Variants in RBFOX3 observed in about 807,000 individuals in gnomAD.
RBFOX3 encodes the protein RNA binding fox-1 homolog 3, also known as RNA binding protein fox-1 homolog 3.
In RBFOX3, 17 loss-of-function variants were observed where a neutral mutation model predicts 48.7. That is an observed-to-expected ratio of 0.35 (90% CI 0.24 to 0.52). The LOEUF is 0.52. Among genes scored for constraint, RBFOX3 ranks in the 20% least tolerant of loss-of-function variants. The pLI, the probability that RBFOX3 is intolerant of heterozygous loss-of-function variation, is 0.94. For missense variants in RBFOX3, 382 were observed against 497.5 expected, an observed-to-expected ratio of 0.77 and a Z score of 2.21; for synonymous variants, 212 against 209.5, an observed-to-expected ratio of 1.01 and a Z score of -0.10.
intron 4 of RBFOX3, among the ~76,000 whole-genome samples, chr17:79,176,459 C>T (rs907571637): frequency 3.9e-5 from 6 of 152,228 alleles, no homozygotes; most frequent in African/African-American, 9.6e-5. Flanking sequence ...CAGGCCCAAG[C>T]CCCCCAGCCC....
chr17:79,182,229 C>T (rs1332539291), intron 4 of RBFOX3, among the ~76,000 whole-genome samples: 1 of 152,174 alleles, frequency 6.6e-6, no homozygotes, highest in African/African-American at 2.4e-5. Context: ...CTGAAGTGCT[C>T]ACAATCCCAC....
chr17:79,307,174 G>A (rs766133495), intron 3 of RBFOX3, among the ~76,000 whole-genome samples: 2 of 152,236 alleles, frequency 1.3e-5, no homozygotes, highest in African/African-American at 4.8e-5. Flanking sequence ...GGAGGGCCTC[G>A]CATGAGCAGC....
At chr17:79,394,317 C>G (rs2061724263) in intron 2 of RBFOX3, among the ~76,000 whole-genome samples, 1 of 152,234 alleles carries the variant, frequency 6.6e-6, no homozygotes, top group Non-Finnish European at 1.5e-5. Flanking sequence ...CACTGAGACA[C>G]TCACTCCCCA....
At chr17:79,140,420 A>G (rs2041686592) in intron 4 of RBFOX3, among the ~76,000 whole-genome samples, 1 of 152,236 alleles carries the variant, frequency 6.6e-6, no homozygotes, top group Non-Finnish European at 1.5e-5. Context: ...CCTCCTGGGC[A>G]CCAATCACAC....
chr17:79,496,848 G>A (rs1241227411), intron 1 of RBFOX3, among the ~76,000 whole-genome samples: 1 of 152,174 alleles, frequency 6.6e-6, no homozygotes. Context: ...TGCCTCCCAC[G>A]GAGCTGGGAG....
intron 3 of RBFOX3, among the ~76,000 whole-genome samples, chr17:79,248,911 G>T (rs2063536634): frequency 6.6e-6 from 1 of 152,246 alleles, no homozygotes; most frequent in Non-Finnish European, 1.5e-5. Flanking sequence ...CTGCAGCTCA[G>T]CGGGCAGCTG....
chr17:79,495,541 GA>G (rs2081343417), intron 1 of RBFOX3, among the ~76,000 whole-genome samples: 1 of 13,736 alleles, frequency 7.3e-5, no homozygotes. Context: ...AGAGGGTGGG[GA>G]GGTGGGGGCA....
chr17:79,381,619 C>G (rs958227065), intron 2 of RBFOX3, among the ~76,000 whole-genome samples: 1 of 152,196 alleles, frequency 6.6e-6, no homozygotes, highest in Admixed American at 6.5e-5. Context: ...GGAACAGGCA[C>G]TTGGTGTGTG....
At chr17:79,455,837 G>A (rs749472779) in intron 2 of RBFOX3, among the ~76,000 whole-genome samples, 12 of 152,086 alleles carry the variant, frequency 7.9e-5, no homozygotes, top group Non-Finnish European at 1.2e-4. Flanking sequence ...CACCTGCAGC[G>A]GCACCTCCAG....
chr17:79,245,534 G>A (rs755470416), intron 3 of RBFOX3, among the ~76,000 whole-genome samples: 9 of 151,724 alleles, frequency 5.9e-5, no homozygotes, highest in South Asian at 2.1e-4. Flanking sequence ...CATTCCCACC[G>A]CTCACCCCCT....
intron 4 of RBFOX3, among the ~76,000 whole-genome samples, chr17:79,184,258 T>A (rs1190728870): frequency 1.3e-5 from 2 of 152,180 alleles, no homozygotes; most frequent in African/African-American, 4.8e-5. Context: ...CCCAGCCTCC[T>A]GCCACAGGCA....
At chr17:79,526,156 AG>A (rs2086765938) in intron 1 of RBFOX3, among the ~76,000 whole-genome samples, 1 of 152,216 alleles carries the variant, frequency 6.6e-6, no homozygotes, top group African/African-American at 2.4e-5. Context: ...ACAATCCCTC[AG>A]GGAGAGCTAG....
intron 4 of RBFOX3, among the ~76,000 whole-genome samples, chr17:79,228,231 C>T (rs1284769259): frequency 1.3e-5 from 2 of 152,200 alleles, no homozygotes; most frequent in African/African-American, 4.8e-5. Flanking sequence ...CGTGTTCCCT[C>T]CGGCCTGTGC....
the RBFOX3 span, among the ~76,000 whole-genome samples, chr17:79,633,085 C>T: frequency 1.3e-5 from 2 of 152,266 alleles, no homozygotes; most frequent in African/African-American, 4.8e-5. Context: ...AGGAGAGTTT[C>T]TCCTAAAGGA....
rs891190337 is a variant in RBFOX3 at position 79,195,079 on chromosome 17, G to A, written c.-34+40687C>T. Among the ~76,000 whole-genome samples, 4 of 152,000 alleles carry A rather than the reference G, an allele frequency of 2.6e-5. No individual in the cohort carries two copies. Among genetic ancestry groups the A allele is most frequent in the Non-Finnish European group, 5.9e-5 (4 of 68,022 alleles). On this transcript the variant is annotated intron_variant, in intron 4 of 14. Coordinates refer to ENST00000693108, the MANE Select transcript of RBFOX3 (RefSeq NM_001350451.2). This position sits in a 1 kb window ranked among gnomAD's most constrained non-coding sequence, Gnocchi z 5.3. ...CTATCATCCCCATTGCCTGCGCGGT[G>A]CCTGGCCACGGGTAGCCTCTCAAGA...
At position 79,363,483 on chromosome 17, in the gene RBFOX3, T is replaced by C. The variant is rs1232672765; in HGVS notation, c.-174-55659A>G. Among the ~76,000 whole-genome samples, 1 of 152,066 alleles carries C rather than the reference T, an allele frequency of 6.6e-6. No individual in the cohort carries two copies. Among genetic ancestry groups the C allele is most frequent in the African/African-American group, 2.4e-5 (1 of 41,370 alleles). On this transcript the variant is annotated intron_variant, in intron 2 of 14. Coordinates refer to ENST00000693108, the MANE Select transcript of RBFOX3 (RefSeq NM_001350451.2). This position sits in a 1 kb window ranked among gnomAD's most constrained non-coding sequence, Gnocchi z 4.7. ...CTGTCTGGCTGCCTCCTCGGCTTTT[T>C]CAAGAAGCCTCAGAAGTATCTCAGA...
chr17:79,350,845 CAT>C (rs1288648139), intron 2 of RBFOX3, among the ~76,000 whole-genome samples: 1 of 152,226 alleles, frequency 6.6e-6, no homozygotes, highest in African/African-American at 2.4e-5. Flanking sequence ...CAGGCGCCCC[CAT>C]GGCGACTCTC....
the RBFOX3 span, among the ~76,000 whole-genome samples, chr17:79,616,736 G>A: frequency 1.3e-5 from 2 of 151,902 alleles, no homozygotes; most frequent in Admixed American, 6.6e-5. Flanking sequence ...TACCACTTAG[G>A]GAGAGCCCCA....
chr17:79,570,790 G>T (rs1216987461), intron 1 of RBFOX3, among the ~76,000 whole-genome samples: 1 of 152,176 alleles, frequency 6.6e-6, no homozygotes, highest in African/African-American at 2.4e-5. Context: ...GCCAGGGCTG[G>T]GAACCCCTGA....
Sources: allele counts gnomAD v4.1 joint callset (sites outside exome capture counted in the v4.1 genomes callset), GRCh38; gene constraint gnomAD v4.1.1; non-coding constraint Gnocchi (gnomAD v3.1); transcripts MANE v1.5; gene names NCBI Gene and HGNC (gene_info 2026-07-23, HGNC 2026-07-21).